SSPN: variants seen among roughly 807,000 people sequenced by gnomAD.
The protein encoded by SSPN is K-ras oncogene-associated protein.
In SSPN, 15 loss-of-function variants were observed where a neutral mutation model predicts 19.1. The observed-to-expected ratio is 0.78, with a 90% confidence interval of 0.52 to 1.21. The LOEUF is 1.21. Ranked by LOEUF, SSPN falls within the 50% of genes most tolerant of loss-of-function variation. SSPN has a pLI of 0.00. For missense variants in SSPN, 291 were observed against 314.0 expected (o/e 0.93, Z 0.55); for synonymous variants, 147 against 140.3 (o/e 1.05, Z -0.34).
chr12:26,164,253 A>G (rs1944607535), intron 1 of SSPN, among the ~76,000 whole-genome samples: 1 of 152,228 alleles, frequency 6.6e-6, no homozygotes, highest in African/African-American at 2.4e-5. Context: ...CTTGTTTAAA[A>G]TGGATTCTCA....
At position 26,232,789 on chromosome 12, in the gene SSPN, CT is replaced by C; in HGVS notation, c.*1715del. The C allele has an allele frequency of 1.1e-6, 1 of 891,934 alleles. No individual in the cohort carries two copies. Among genetic ancestry groups the C allele is most frequent in the Non-Finnish European group, 1.3e-6 (1 of 744,658 alleles). 55.3% of individuals were successfully genotyped at this position (891,934 alleles called of 1,614,324 possible). On this transcript the variant is annotated 3_prime_UTR_variant, in exon 3 of 3. Transcript: ENST00000242729. ...TGTTTTGATTTGCTTTAAAAATGGC[CT>C]TCCTACACATTAGCTCCAGCTAAAA...
chr12:26,195,643 A>ACTCCC lies in SSPN; in HGVS notation c.-29_-28insTCCCC. The ACTCCC allele has an allele frequency of 4.1e-6, 1 of 242,024 alleles. No homozygotes were observed. The highest frequency in any genetic ancestry group is 6.4e-5 in the South Asian group (1 of 15,712). 15.0% of individuals were successfully genotyped at this position (242,024 alleles called of 1,614,324 possible). A position where few individuals can be genotyped will look rare whatever the true frequency, so the allele number is the denominator to read the frequency against. Reference sequence around the variant, plus strand: ...CCAGGGCCCAGGGCGCCGCACACGCACCCACCCACCCACCCAGCCTCGCAG... The same window carrying ACTCCC: ...CCAGGGCCCAGGGCGCCGCACACGCACTCCCCCCACCCACCCACCCAGCCTCGCAG... On this transcript the variant is annotated 5_prime_UTR_variant, in exon 1 of 3. Transcript: ENST00000242729.
intron 1 of SSPN, among the ~76,000 whole-genome samples, chr12:26,174,321 T>C (rs1217183172): frequency 6.6e-6 from 1 of 152,222 alleles, no homozygotes; most frequent in East Asian, 1.9e-4. Flanking sequence ...CACATCTACC[T>C]ATTTTTCTCA....
intron 1 of SSPN, among the ~76,000 whole-genome samples, chr12:26,138,196 G>T (rs1442703213): frequency 6.6e-6 from 1 of 152,020 alleles, no homozygotes; most frequent in Non-Finnish European, 1.5e-5. Flanking sequence ...TTTTAAATTT[G>T]TATTGTTATT....
At chr12:26,131,143 T>C (rs1454648576) in intron 1 of SSPN, among the ~76,000 whole-genome samples, 1 of 152,192 alleles carries the variant, frequency 6.6e-6, no homozygotes, top group Non-Finnish European at 1.5e-5. Context: ...GCCATATGAG[T>C]TGGCAGCATC....
chr12:26,174,515 T>TCCTTCCTTC (rs1565678373), intron 1 of SSPN, among the ~76,000 whole-genome samples: 4 of 142,658 alleles, frequency 2.8e-5, no homozygotes, highest in African/African-American at 7.9e-5. Flanking sequence ...CTTCCTTCCT[T>TCCTTCCTTC]CCTTCCTTCC....
chr12:26,124,035 C>A (rs369498804), intron 1 of SSPN: 1 of 1,374,556 alleles, frequency 7.3e-7, no homozygotes, highest in Non-Finnish European at 1.0e-6. Flanking sequence ...TTAACACGCC[C>A]TTGGAGAGCA....
At chr12:26,139,265 C>T (rs1259619026) in intron 1 of SSPN, among the ~76,000 whole-genome samples, 1 of 152,078 alleles carries the variant, frequency 6.6e-6, no homozygotes, top group South Asian at 2.1e-4. Flanking sequence ...AATTAATTCC[C>T]AAGTGTAATT....
intron 1 of SSPN, among the ~76,000 whole-genome samples, chr12:26,167,430 G>A (rs537879504): frequency 2.0e-5 from 3 of 152,202 alleles, no homozygotes; most frequent in Non-Finnish European, 2.9e-5. Context: ...GGGGTTTGCC[G>A]AGGATTCCTG....
rs1565678360 is a variant in SSPN, at chr12:26,174,507, T to TCCTTCCTTC, written c.-30-49784_-30-49776dup. On this transcript the variant is annotated intron_variant, in intron 1 of 2. Coordinates refer to the SSPN transcript ENST00000538142. Reference sequence around the variant, plus strand: ...TCCTTCCTTCCTTCCTTCCTTCCCTTCCTTCCTTCCTTCCTTCCTTCCTTT... The same window carrying TCCTTCCTTC: ...TCCTTCCTTCCTTCCTTCCTTCCCTTCCTTCCTTCCCTTCCTTCCTTCCTTCCTTCCTTT... Among the ~76,000 whole-genome samples the TCCTTCCTTC allele has an allele frequency of 8.7e-3, 1,012 of 116,760 alleles. 21 individuals carry two copies. Among genetic ancestry groups the TCCTTCCTTC allele is most frequent in the African/African-American group, 0.031 (750 of 24,250 alleles). 76.6% of individuals were successfully genotyped at this position (116,760 alleles called of 152,430 possible).
rs1157827090 is a variant in SSPN at position 26,168,150 on chromosome 12, C to T, written c.-31+45998C>T. 4.7e-5 allele frequency among the ~76,000 whole-genome samples: 7 copies of T among 148,462 alleles called. No individual in the cohort carries two copies. In the South Asian group the frequency reaches 6.4e-4, roughly 13 times the overall value. Reference sequence around the variant, plus strand: ...ATCACTTGAGCCAGGGAGGTTGAGTCTGCAGTGAGCTGTGATCACACCACT... The same window carrying T: ...ATCACTTGAGCCAGGGAGGTTGAGTTTGCAGTGAGCTGTGATCACACCACT... On this transcript the variant is annotated intron_variant, in intron 1 of 2. Transcript: ENST00000538142.
intron 1 of SSPN, among the ~76,000 whole-genome samples, chr12:26,167,366 C>G (rs1944627680): frequency 6.6e-6 from 1 of 152,094 alleles, no homozygotes. Context: ...GAAAAAGCAG[C>G]AGAGTGTATA....
At chr12:26,174,515 T>TCCTTCCTTCCTTCCTTCCTTCCTTCCTTC (rs1944672615) in intron 1 of SSPN, among the ~76,000 whole-genome samples, 1 of 142,560 alleles carries the variant, frequency 7.0e-6, no homozygotes, top group African/African-American at 2.6e-5. Flanking sequence ...CTTCCTTCCT[T>TCCTTCCTTCCTTCCTTCCTTCCTTCCTTC]CCTTCCTTCC....
chr12:26,133,667 G>A (rs73082926), intron 1 of SSPN, among the ~76,000 whole-genome samples: 2 of 152,342 alleles, frequency 1.3e-5, no homozygotes, highest in Non-Finnish European at 2.9e-5. Flanking sequence ...CTGCCATGTG[G>A]AAGAGGCTGA....
chr12:26,183,173 C>T (rs527468984), intron 1 of SSPN, among the ~76,000 whole-genome samples: 2 of 152,294 alleles, frequency 1.3e-5, no homozygotes, highest in Non-Finnish European at 2.9e-5. Context: ...AAAAGAGAAA[C>T]ATGGGTGATT....
chr12:26,168,527 TAC>T (rs1249300339), intron 1 of SSPN, among the ~76,000 whole-genome samples: 2 of 152,242 alleles, frequency 1.3e-5, no homozygotes, highest in African/African-American at 4.8e-5. Context: ...CACTTCTGGA[TAC>T]AGTTAGGCTG....
intron 1 of SSPN, among the ~76,000 whole-genome samples, chr12:26,148,958 A>C (rs976236338): frequency 5.3e-5 from 8 of 152,224 alleles, no homozygotes; most frequent in African/African-American, 1.9e-4. Context: ...TTTTAAAATC[A>C]GAAATTCTCT....
chr12:26,158,225 T>C lies in SSPN; in HGVS notation c.-31+36073T>C, dbSNP rs117548585. ...TTTCTTTTTTTCTGTTTTTCCTTTT[T>C]CCTTCCTTCTTTCTTTCTTTTCCTC... On this transcript the variant is annotated intron_variant, in intron 1 of 2. Transcript: ENST00000538142. 4.6e-4 allele frequency among the ~76,000 whole-genome samples: 70 copies of C among 152,306 alleles called. No individual in the cohort carries two copies. In the East Asian group the frequency reaches 0.013, roughly 28 times the overall value.
At position 26,122,199 on chromosome 12, in the gene SSPN, G is replaced by A. The variant is rs1359191582; in HGVS notation, c.-31+47G>A. 1.4e-6 allele frequency: 2 copies of A among 1,396,278 alleles called. 1 individual carries two copies. Among genetic ancestry groups the A allele is most frequent in the Admixed American group, 7.3e-5 (2 of 27,554 alleles). 86.5% of individuals were successfully genotyped at this position (1,396,278 alleles called of 1,614,324 possible). A position where few individuals can be genotyped will look rare whatever the true frequency, so the allele number is the denominator to read the frequency against. ...CTGGGGGTGCGGCGCCCCAAGGGGC[G>A]CCACCTCGTGCGGCAGGAGGGTCGC... On this transcript the variant is annotated intron_variant, in intron 1 of 2. Coordinates refer to the SSPN transcript ENST00000538142.
Sources: gnomAD v4.1 joint callset for allele counts (sites outside exome capture counted in the v4.1 genomes callset) on GRCh38, gnomAD v4.1.1 for gene constraint, MANE v1.5 for transcripts, NCBI Gene and HGNC (gene_info 2026-07-23, HGNC 2026-07-21) for gene names.